Variants in CFAP91 observed in about 807,000 individuals in gnomAD.
The protein encoded by CFAP91 is cilia and flagella associated protein 91.
Under a neutral mutation model 95.9 loss-of-function variants are expected in CFAP91, and 85 were observed. The observed-to-expected ratio is 0.89, with a 90% confidence interval of 0.74 to 1.06. The LOEUF is 1.06. Ranked by LOEUF, CFAP91 falls within the 50% of genes least tolerant of loss-of-function variation. The probability of loss-of-function intolerance (pLI) is 0.00; values close to 1 mark genes in which losing one functional copy is unlikely to be tolerated. For missense variants in CFAP91, 962 were observed against 943.4 expected (o/e 1.02, Z -0.26); for synonymous variants, 335 against 327.5 (o/e 1.02, Z -0.25).
chr3:119,709,100 CTT>C (rs2053428127), intron 4 of CFAP91, among the ~76,000 whole-genome samples: 2 of 152,168 alleles, frequency 1.3e-5, no homozygotes, highest in Non-Finnish European at 2.9e-5. Context: ...CATTTGTTCT[CTT>C]TGTATGAATC....
chr3:119,748,541 G>C (rs1208396891), intron 16 of CFAP91, among the ~76,000 whole-genome samples: 2 of 152,222 alleles, frequency 1.3e-5, no homozygotes, highest in Non-Finnish European at 2.9e-5. Flanking sequence ...GTGCAACCAG[G>C]AGAAGACCAG....
chr3:119,734,429 T>G (rs2053962067), intron 10 of CFAP91, among the ~76,000 whole-genome samples: 1 of 150,482 alleles, frequency 6.6e-6, no homozygotes. Context: ...CACTTTCTGT[T>G]AAGATTTTTT....
At chr3:119,728,373 G>T (rs1205134906) in intron 7 of CFAP91, among the ~76,000 whole-genome samples, 3 of 152,152 alleles carry the variant, frequency 2.0e-5, no homozygotes. Context: ...AGCAATCTGT[G>T]TCAGAACCTG....
intron 6 of CFAP91, among the ~76,000 whole-genome samples, chr3:119,721,776 C>T (rs561523126): frequency 5.9e-4 from 90 of 152,304 alleles, no homozygotes; most frequent in African/African-American, 2.0e-3. Flanking sequence ...TCCTTATTTG[C>T]ACACGTGCTC....
intron 6 of CFAP91, among the ~76,000 whole-genome samples, chr3:119,718,602 C>T (rs1438479084): frequency 6.6e-6 from 1 of 151,716 alleles, no homozygotes; most frequent in Non-Finnish European, 1.5e-5. Context: ...CTCACACCTC[C>T]TAATAAAAGA....
intron 5 of CFAP91, among the ~76,000 whole-genome samples, chr3:119,711,917 G>A (rs1291781325): frequency 1.3e-5 from 2 of 152,250 alleles, no homozygotes; most frequent in Non-Finnish European, 2.9e-5. Context: ...CTCTGTTGGG[G>A]CTGGGAGAGA....
rs182688610 is a variant in CFAP91 at position 119,739,575 on chromosome 3, A to G, written c.1533+249A>G. Among the ~76,000 whole-genome samples, 20 of 149,864 alleles carry G rather than the reference A, an allele frequency of 1.3e-4. No individual in the cohort carries two copies. In the East Asian group the frequency reaches 3.9e-3, roughly 29 times the overall value. On this transcript the variant is annotated intron_variant, in intron 12 of 17. Transcript: ENST00000273390. ...CTACCTGCTATTTGCCATGGTTGTAACTAAGGCAGTATGAAACTCACTTCT... is the reference window on the plus strand; with the variant it reads ...CTACCTGCTATTTGCCATGGTTGTAGCTAAGGCAGTATGAAACTCACTTCT...
chr3:119,725,052 ATTAC>A (rs1175600614), intron 6 of CFAP91, among the ~76,000 whole-genome samples: 9 of 152,256 alleles, frequency 5.9e-5, no homozygotes, highest in Admixed American at 2.6e-4. Context: ...AATATGACCT[ATTAC>A]TTATTTCCTT....
At chr3:119,746,822 C>T (rs775111189) in intron 14 of CFAP91, among the ~76,000 whole-genome samples, 3 of 152,142 alleles carry the variant, frequency 2.0e-5, no homozygotes, top group South Asian at 4.1e-4. Context: ...TTTGAACCAG[C>T]GTTATTGACT....
rs1169492770 is a variant in CFAP91, at chr3:119,747,253, A to G, written c.2041A>G (p.Met681Val). The G allele has an allele frequency of 4.3e-6, 7 of 1,613,254 alleles. No homozygotes were observed. In the Admixed American group the frequency reaches 1.0e-4, roughly 23 times the overall value. The part of the protein sequence containing the change: ...AEKINDIAYE[M>V]ESRRTYLQSE... ...GAAAATCAATGACATTGCTTATGAA[A>G]TGGAAAGCCGGTGTGTATCAAGAGA... Residue 681 changes from methionine to valine, a missense_variant, in exon 15 of 18, where the codon ATG becomes GTG. Coordinates refer to ENST00000273390, the MANE Select transcript of CFAP91 (RefSeq NM_033364.4).
chr3:119,754,629 C>T (rs149504184), intron 17 of CFAP91, among the ~76,000 whole-genome samples: 6 of 152,318 alleles, frequency 3.9e-5, no homozygotes, highest in Admixed American at 6.5e-5. Flanking sequence ...ATGCACTATT[C>T]TTCAAGAAGA....
intron 5 of CFAP91, among the ~76,000 whole-genome samples, chr3:119,712,530 GTTAT>G (rs1224003709): frequency 4.6e-5 from 7 of 152,244 alleles, no homozygotes; most frequent in Non-Finnish European, 1.0e-4. Context: ...CTGATTTGAA[GTTAT>G]TTATTCAACT....
intron 16 of CFAP91, among the ~76,000 whole-genome samples, chr3:119,748,147 A>G (rs1406011849): frequency 6.6e-6 from 1 of 152,214 alleles, no homozygotes; most frequent in African/African-American, 2.4e-5. Flanking sequence ...CTTGTTTAAA[A>G]GGATGTTCCC....
chr3:119,721,391 C>T (rs899774564), intron 6 of CFAP91, among the ~76,000 whole-genome samples: 1 of 152,196 alleles, frequency 6.6e-6, no homozygotes, highest in Admixed American at 6.5e-5. Context: ...AAAGGTGAAA[C>T]TTCAGAAGCT....
intron 17 of CFAP91, among the ~76,000 whole-genome samples, chr3:119,755,304 A>G (rs1037604712): frequency 3.3e-5 from 5 of 152,302 alleles, no homozygotes; most frequent in Non-Finnish European, 5.9e-5. Context: ...GTGGATTGAA[A>G]TGTGTCCTTG....
intron 17 of CFAP91, among the ~76,000 whole-genome samples, chr3:119,753,536 A>G (rs2054367223): frequency 6.6e-6 from 1 of 152,222 alleles, no homozygotes; most frequent in East Asian, 1.9e-4. Context: ...CTATTTTCAC[A>G]ATTTCTAGAA....
chr3:119,724,901 C>T (rs1020320658), intron 6 of CFAP91, among the ~76,000 whole-genome samples: 9 of 152,040 alleles, frequency 5.9e-5, no homozygotes, highest in South Asian at 4.2e-4. Flanking sequence ...CCCACCACCA[C>T]GCCTGGCTAA....
intron 6 of CFAP91, among the ~76,000 whole-genome samples, chr3:119,720,966 T>TA (rs922305377): frequency 1.1e-4 from 17 of 151,690 alleles, no homozygotes; most frequent in Middle Eastern, 3.4e-3. Context: ...AGACACAGTT[T>TA]AAAAAAAAAT....
chr3:119,713,096 TTTATTTATTTA>T (rs2053505769), intron 5 of CFAP91: 1 of 35,678 alleles, frequency 2.8e-5, no homozygotes, highest in Non-Finnish European at 1.3e-4. Flanking sequence ...TATTTATTTA[TTTATTTATTTA>T]TTTATTTATT....
Sources: allele counts gnomAD v4.1 joint callset (sites outside exome capture counted in the v4.1 genomes callset), GRCh38; gene constraint gnomAD v4.1.1; transcripts MANE v1.5; gene names NCBI Gene and HGNC (gene_info 2026-07-23, HGNC 2026-07-21).